The following CCNG1 variants were observed in gnomAD, a reference collection of about 807,000 sequenced individuals.
CCNG1 encodes the protein cyclin-G1.
In CCNG1, 13 loss-of-function variants were observed where a neutral mutation model predicts 30.0. The ratio of observed to expected loss-of-function variants is 0.43; its 90% confidence interval spans 0.28 to 0.69. The LOEUF is 0.69. Among genes scored for constraint, CCNG1 ranks in the 30% least tolerant of loss-of-function variants. The pLI is 0.16. For missense variants in CCNG1, 285 were observed against 331.4 expected (o/e 0.86, Z 1.09); for synonymous variants, 110 against 121.5 (o/e 0.91, Z 0.62).
In CCNG1 at chr5:163,442,532, T is replaced by C. The variant is rs1757870918; in HGVS notation, c.855T>C (p.Thr285=). The C allele has an allele frequency of 6.2e-7, 1 of 1,611,474 alleles. No individual in the cohort carries two copies. Among genetic ancestry groups the C allele is most frequent in the African/African-American group, 1.3e-5 (1 of 74,838 alleles). Residue 285 remains threonine (T), a synonymous_variant, in exon 6 of 7, where the codon ACT becomes ACC. Transcript: ENST00000340828. ...TGAAGCATAGCTACTACAGAATAACTCACCTTCCAACAATTCCTGAAATGG... is the reference window on the plus strand; with the variant it reads ...TGAAGCATAGCTACTACAGAATAACCCACCTTCCAACAATTCCTGAAATGG... ...RQLKHSYYRI[T]HLPTIPEMVP
At chr5:163,447,217 CA>C (rs529855638), downstream of CCNG1, 416 of 152,612 alleles carry the variant, frequency 2.7e-3, 3 homozygotes, top group South Asian at 8.3e-3. Context: ...TTTGGGAAGC[CA>C]AGGTGGGAGG....
chr5:163,438,248 T>A (rs1757592921), intron 1 of CCNG1, among the ~76,000 whole-genome samples: 1 of 148,176 alleles, frequency 6.7e-6, no homozygotes, highest in South Asian at 2.3e-4. Flanking sequence ...CCCGCCCCAA[T>A]ACGTGCTCCT....
At chr5:163,445,273 G>C (rs17884754), downstream of CCNG1, among the ~76,000 whole-genome samples, 882 of 152,108 alleles carry the variant, frequency 5.8e-3, 9 homozygotes, top group African/African-American at 0.019. Flanking sequence ...TAGATGCATA[G>C]TACCAGAAAC....
downstream of CCNG1, chr5:163,450,408 G>A (rs1333500030): frequency 1.3e-5 from 2 of 152,172 alleles, no homozygotes; most frequent in Non-Finnish European, 2.9e-5. Flanking sequence ...AAAGTAAAGA[G>A]AGAATAGGAG....
rs1439969629 is a variant in CCNG1 at position 163,439,364 on chromosome 5, A to G, written c.108A>G (p.Leu36=). ...AGCCAAAGGTCTGTGGTTTGAGACT[A>G]ATTGAGTCTGCACACGATAATGGCC... is the stretch of plus-strand genomic sequence containing the variant. ...RCQPKVCGLR[L]IESAHDNGLR... Residue 36 remains leucine, a synonymous_variant, in exon 2 of 7, where the codon CTA becomes CTG. Coordinates refer to ENST00000340828, the MANE Select transcript of CCNG1 (RefSeq NM_004060.4). 5.0e-6 allele frequency: 8 copies of G among 1,614,216 alleles called. No individual in the cohort carries two copies. Among genetic ancestry groups the G allele is most frequent in the Non-Finnish European group, 6.8e-6 (8 of 1,180,032 alleles).
downstream of CCNG1, chr5:163,445,788 T>C (rs1758026033): frequency 6.6e-6 from 1 of 152,106 alleles, no homozygotes; most frequent in Non-Finnish European, 1.5e-5. Flanking sequence ...CATAGAATGA[T>C]GACAAATAAT....
chr5:163,456,450 G>A, the CCNG1 span, among the ~76,000 whole-genome samples: 1 of 152,072 alleles, frequency 6.6e-6, no homozygotes, highest in Non-Finnish European at 1.5e-5. Context: ...TGTATTAGTA[G>A]GGAAAGAGAC....
chr5:163,443,311 C>CAAA (rs35396845), intron 6 of CCNG1, among the ~76,000 whole-genome samples: 4 of 90,190 alleles, frequency 4.4e-5, no homozygotes, highest in East Asian at 2.8e-4. Context: ...GACTCCGCCA[C>CAAA]AAAAAAAAAA....
chr5:163,439,269 C>G lies in CCNG1; in HGVS notation c.13C>G (p.Leu5Val), dbSNP rs779973196. MIEV[L>V]TTTDSQKLLH... ...TTTCTATATATAGATGATAGAGGTACTGACAACAACTGACTCTCAGAAACT... is the reference window on the plus strand; with the variant it reads ...TTTCTATATATAGATGATAGAGGTAGTGACAACAACTGACTCTCAGAAACT... The change falls in exon 2 of 7, where the codon CTG becomes GTG. Residue 5 changes from leucine (L) to valine (V), a missense_variant. Transcript: ENST00000340828. 1 of 1,613,088 alleles carries G rather than the reference C, an allele frequency of 6.2e-7. No homozygotes were observed. The highest frequency in any genetic ancestry group is 1.1e-5 in the South Asian group (1 of 91,012).
At chr5:163,450,115 G>A (rs888705844), downstream of CCNG1, 2 of 152,132 alleles carry the variant, frequency 1.3e-5, no homozygotes, top group African/African-American at 4.8e-5. Context: ...AAAAAAATGG[G>A]CTGGGAGTGG....
chr5:163,442,119 A>G lies in CCNG1; in HGVS notation c.672A>G (p.Ile224Met). Reference protein sequence around the residue: ...AQKCVELTEGIECLQKHSKIN... With the variant: ...AQKCVELTEGMECLQKHSKIN... Reference sequence around the variant, plus strand: ...AGTGTGTAGAGTTAACAGAAGGAATAGAATGTCTTCAGAAACATTCCAAGG... The same window carrying G: ...AGTGTGTAGAGTTAACAGAAGGAATGGAATGTCTTCAGAAACATTCCAAGG... Residue 224 changes from isoleucine to methionine, a missense_variant, in exon 5 of 7, where the codon ATA becomes ATG. Transcript: ENST00000340828. The G allele has an allele frequency of 3.7e-6, 6 of 1,609,694 alleles. No homozygotes were observed. The highest frequency in any genetic ancestry group is 5.1e-6 in the Non-Finnish European group (6 of 1,176,412).
At position 163,444,013 on chromosome 5, in the gene CCNG1, G is replaced by A. The variant is rs1326292771; in HGVS notation, c.*343G>A. 1.4e-5 allele frequency: 4 copies of A among 296,098 alleles called. No homozygotes were observed. Among genetic ancestry groups the A allele is most frequent in the African/African-American group, 4.3e-5 (2 of 46,224 alleles). The allele number at this position is 296,098 out of a possible 1,614,324, so 18.3% of individuals were successfully genotyped here. On this transcript the variant is annotated 3_prime_UTR_variant, in exon 7 of 7. Coordinates refer to ENST00000340828, the MANE Select transcript of CCNG1 (RefSeq NM_004060.4). ...GGTGGTATTGAAAATGCTATTGGAG[G>A]AGTCACACTAATACTATCAACTATC...
chr5:163,457,122 G>C, the CCNG1 span: 6 of 1,507,384 alleles, frequency 4.0e-6, no homozygotes, highest in Non-Finnish European at 5.3e-6. Flanking sequence ...AAATAAATTA[G>C]AGTTCTTCAT....
intron 5 of CCNG1, 24 bp from the exon 6 acceptor site, chr5:163,442,350 T>C (rs751220304): frequency 1.3e-6 from 2 of 1,553,092 alleles, no homozygotes; most frequent in South Asian, 2.4e-5. Context: ...GAGTAATAAT[T>C]TTTTAAAATT....
downstream of CCNG1, chr5:163,450,012 C>T (rs1758138705): frequency 6.6e-6 from 1 of 152,038 alleles, no homozygotes; most frequent in South Asian, 2.1e-4. Flanking sequence ...CCCAGCACTT[C>T]AGAGGCTGAG....
chr5:163,438,235 C>A (rs985989223), intron 1 of CCNG1, among the ~76,000 whole-genome samples: 1 of 151,960 alleles, frequency 6.6e-6, no homozygotes, highest in Non-Finnish European at 1.5e-5. Flanking sequence ...CCCACCGCAC[C>A]CCCCCGCCCC....
In CCNG1 at chr5:163,443,795, G is replaced by A. The variant is rs925608643; in HGVS notation, c.*125G>A. 8.2e-6 allele frequency: 9 copies of A among 1,102,922 alleles called. No homozygotes were observed. The highest frequency in any genetic ancestry group is 6.8e-5 in the Admixed American group (3 of 44,254). 68.3% of individuals were successfully genotyped at this position (1,102,922 alleles called of 1,614,324 possible). On this transcript the variant is annotated 3_prime_UTR_variant, in exon 7 of 7. Coordinates refer to ENST00000340828, the MANE Select transcript of CCNG1 (RefSeq NM_004060.4). ...CAAAACATCACGAGATAAGCATGATGGTCTCAGACTTGGGAAAACTGCCTA... is the reference window on the plus strand; with the variant it reads ...CAAAACATCACGAGATAAGCATGATAGTCTCAGACTTGGGAAAACTGCCTA...
downstream of CCNG1, chr5:163,448,066 T>G (rs998400168): frequency 6.6e-6 from 1 of 151,638 alleles, no homozygotes. Context: ...AAGGCTGAGG[T>G]AGGAGGATCA....
intron 1 of CCNG1, 95 bp from the exon 2 acceptor site, chr5:163,439,161 GC>G: frequency 1.9e-6 from 2 of 1,050,752 alleles, no homozygotes; most frequent in Non-Finnish European, 2.8e-6. Context: ...GGGATGGGAG[GC>G]TTATAAATCA....
Sources: gnomAD v4.1 joint callset for allele counts (sites outside exome capture counted in the v4.1 genomes callset) on GRCh38, gnomAD v4.1.1 for gene constraint, MANE v1.5 for transcripts, NCBI Gene and HGNC (gene_info 2026-07-23, HGNC 2026-07-21) for gene names.